Variants in CDH13 observed in about 807,000 individuals in gnomAD.
The protein encoded by CDH13 is cadherin-13.
CDH13 carries 24 observed loss-of-function variants against 63.8 expected under a neutral mutation model. That is an observed-to-expected ratio of 0.38 (90% CI 0.27 to 0.53). CDH13 has a LOEUF of 0.53. Among genes scored for constraint, CDH13 ranks in the 20% least tolerant of loss-of-function variants. The pLI is 0.85. For missense variants in CDH13, 1,049 were observed against 903.1 expected (o/e 1.16, Z -2.07); for synonymous variants, 503 against 355.3 (o/e 1.42, Z -4.67).
At chr16:83,058,334 A>T (rs543646979) in intron 3 of CDH13, among the ~76,000 whole-genome samples, 1 of 152,310 alleles carries the variant, frequency 6.6e-6, no homozygotes, top group South Asian at 2.1e-4. Context: ...CGTTTTGTTC[A>T]AGTGGGGTTT....
chr16:83,414,011 T>G (rs931241502), intron 6 of CDH13, among the ~76,000 whole-genome samples: 1 of 152,018 alleles, frequency 6.6e-6, no homozygotes, highest in African/African-American at 2.4e-5. Flanking sequence ...ACAAAAATAC[T>G]CTTCTCTCTT....
chr16:83,545,310 GA>G (rs933396943), intron 7 of CDH13, among the ~76,000 whole-genome samples: 5 of 151,842 alleles, frequency 3.3e-5, no homozygotes, highest in Admixed American at 1.3e-4. Context: ...AATGAAGAAG[GA>G]AAAAAAATAG....
At chr16:82,905,569 C>T (rs373888395) in intron 2 of CDH13, among the ~76,000 whole-genome samples, 2 of 151,884 alleles carry the variant, frequency 1.3e-5, no homozygotes, top group African/African-American at 4.8e-5. Flanking sequence ...GTATCAGAAA[C>T]CACATTTTCC....
At chr16:83,504,359 A>T (rs74937053) in intron 7 of CDH13, among the ~76,000 whole-genome samples, 3,748 of 152,270 alleles carry the variant, frequency 0.025, 156 homozygotes, top group African/African-American at 0.085. Flanking sequence ...TCTGCTGTGC[A>T]TGAAGCATTT....
At chr16:83,652,319 C>G (rs1912458351) in intron 8 of CDH13, among the ~76,000 whole-genome samples, 1 of 152,136 alleles carries the variant, frequency 6.6e-6, no homozygotes, top group Non-Finnish European at 1.5e-5. Flanking sequence ...TTCTCTTGTC[C>G]TTGTTTGTGC....
chr16:82,770,422 G>C (rs1597518207), intron 1 of CDH13, among the ~76,000 whole-genome samples: 1 of 152,156 alleles, frequency 6.6e-6, no homozygotes, highest in Non-Finnish European at 1.5e-5. Context: ...TGACCGTTTA[G>C]TTATTTAGTC....
intron 3 of CDH13, among the ~76,000 whole-genome samples, chr16:83,065,760 T>G (rs2031961361): frequency 6.6e-6 from 1 of 151,674 alleles, no homozygotes; most frequent in Non-Finnish European, 1.5e-5. Context: ...ACTTTTAGGT[T>G]CTCGCTCTTT....
At chr16:83,088,215 A>T (rs548745466) in intron 3 of CDH13, among the ~76,000 whole-genome samples, 22 of 152,276 alleles carry the variant, frequency 1.4e-4, no homozygotes, top group Non-Finnish European at 2.8e-4. Context: ...CACATTGCAG[A>T]TTCAACTCTG....
intron 1 of CDH13, among the ~76,000 whole-genome samples, chr16:82,731,956 T>C (rs2033425518): frequency 6.6e-6 from 1 of 152,212 alleles, no homozygotes; most frequent in African/African-American, 2.4e-5. Flanking sequence ...TTCCTCCACC[T>C]GAAACAATCT....
At chr16:83,281,635 G>A (rs1260665678) in intron 5 of CDH13, among the ~76,000 whole-genome samples, 6 of 152,018 alleles carry the variant, frequency 3.9e-5, no homozygotes, top group Non-Finnish European at 1.5e-5. Context: ...TCTAGGCTGA[G>A]TGGTGGCTGA....
intron 6 of CDH13, among the ~76,000 whole-genome samples, chr16:83,345,603 G>A (rs1486910890): frequency 6.6e-6 from 1 of 152,160 alleles, no homozygotes. Context: ...CTTTTCCCAT[G>A]TTTAACCTTT....
intron 6 of CDH13, among the ~76,000 whole-genome samples, chr16:83,425,889 A>C (rs977746947): frequency 6.6e-6 from 1 of 152,058 alleles, no homozygotes; most frequent in African/African-American, 2.4e-5. Context: ...GCACTGTTCT[A>C]GGCACTACAG....
At chr16:82,987,694 A>G (rs1436627853) in intron 2 of CDH13, among the ~76,000 whole-genome samples, 1 of 152,302 alleles carries the variant, frequency 6.6e-6, no homozygotes, top group East Asian at 1.9e-4. Flanking sequence ...AGCCAGTTTT[A>G]AAAGGCTTCT....
intron 1 of CDH13, among the ~76,000 whole-genome samples, chr16:82,686,325 G>A (rs559302340): frequency 2.6e-5 from 4 of 152,254 alleles, no homozygotes; most frequent in South Asian, 2.1e-4. Context: ...CTGGTTCTGC[G>A]GAGAGCCATG....
At chr16:82,896,452 C>T (rs2041267178) in intron 2 of CDH13, among the ~76,000 whole-genome samples, 4 of 151,834 alleles carry the variant, frequency 2.6e-5, no homozygotes, top group African/African-American at 9.7e-5. Context: ...CCCCACTATG[C>T]CTGGGTAATT....
At chr16:83,596,638 G>A (rs183558071) in intron 7 of CDH13, among the ~76,000 whole-genome samples, 2 of 152,252 alleles carry the variant, frequency 1.3e-5, no homozygotes, top group African/African-American at 2.4e-5. Flanking sequence ...GAGTGACTCC[G>A]AGAGCTAGGA....
chr16:83,692,802 G>A (rs957110600), intron 10 of CDH13, among the ~76,000 whole-genome samples: 5 of 152,254 alleles, frequency 3.3e-5, no homozygotes, highest in East Asian at 1.9e-4. Flanking sequence ...GCACATAGCC[G>A]GCTGGGCACG....
chr16:83,157,658 G>C (rs920525005), intron 4 of CDH13, among the ~76,000 whole-genome samples: 3 of 151,840 alleles, frequency 2.0e-5, no homozygotes, highest in Non-Finnish European at 4.4e-5. Flanking sequence ...GCTTTGGGAG[G>C]CCGAGGCGGG....
chr16:83,361,070 C>T (rs965543956), intron 6 of CDH13, among the ~76,000 whole-genome samples: 1 of 152,176 alleles, frequency 6.6e-6, no homozygotes, highest in Non-Finnish European at 1.5e-5. Flanking sequence ...TATAAGCTTT[C>T]CCTTTTCTCC....
Sources: allele counts gnomAD v4.1 joint callset (sites outside exome capture counted in the v4.1 genomes callset), GRCh38; gene constraint gnomAD v4.1.1; transcripts MANE v1.5; gene names NCBI Gene and HGNC (gene_info 2026-07-23, HGNC 2026-07-21).